The following ARHGAP22 variants were observed in gnomAD, a reference collection of about 807,000 sequenced individuals.
The protein encoded by ARHGAP22 is rho GTPase-activating protein 22.
A neutral mutation model predicts 59.1 loss-of-function variants in ARHGAP22; 48 were observed. The ratio of observed to expected loss-of-function variants is 0.81; its 90% confidence interval spans 0.64 to 1.03. The LOEUF (loss-of-function observed/expected upper bound fraction) is 1.03. ARHGAP22 is among the 50% of genes least tolerant of loss of function. The pLI is 0.00. For synonymous variants in ARHGAP22, 445 were observed against 416.4 expected, an observed-to-expected ratio of 1.07 and a Z score of -0.84; for missense variants, 1,015 against 958.7, an observed-to-expected ratio of 1.06 and a Z score of -0.78.
At chr10:48,436,634 T>G in the ARHGAP22 span, 1 of 152,250 alleles carries the variant, frequency 6.6e-6, no homozygotes, top group Non-Finnish European at 1.5e-5. Context: ...GCTTGGCATT[T>G]TATTCATATA....
At chr10:48,643,731 A>AC (rs199882230) in intron 1 of ARHGAP22, among the ~76,000 whole-genome samples, 15,882 of 147,482 alleles carry the variant, frequency 0.11, 2,796 homozygotes, top group African/African-American at 0.37. Context: ...ATGCACATGT[A>AC]CCTAGAACTT....
chr10:48,603,804 G>C (rs141049745), intron 1 of ARHGAP22, among the ~76,000 whole-genome samples: 11 of 152,356 alleles, frequency 7.2e-5, no homozygotes, highest in African/African-American at 2.2e-4. Flanking sequence ...TCATCCAAGT[G>C]CTTGCAGTGT....
At chr10:48,643,092 G>C (rs545093635) in intron 1 of ARHGAP22, among the ~76,000 whole-genome samples, 6 of 152,294 alleles carry the variant, frequency 3.9e-5, no homozygotes, top group African/African-American at 1.2e-4. Context: ...AGAAACAACA[G>C]GTGCTGGAGA....
intron 3 of ARHGAP22, among the ~76,000 whole-genome samples, chr10:48,538,522 A>G (rs1368440002): frequency 6.6e-6 from 1 of 152,228 alleles, no homozygotes; most frequent in East Asian, 1.9e-4. Flanking sequence ...GACTAGCAGA[A>G]GACTCTCCAG....
chr10:48,598,990 A>T (rs917453649), intron 1 of ARHGAP22, among the ~76,000 whole-genome samples: 1 of 152,078 alleles, frequency 6.6e-6, no homozygotes, highest in Non-Finnish European at 1.5e-5. Flanking sequence ...CAAGTTCTTT[A>T]TCCTTTCTGG....
At position 48,513,970 on chromosome 10, in the gene ARHGAP22, A is replaced by C. The variant is rs1011267314; in HGVS notation, c.323-34206T>G. On this transcript the variant is annotated intron_variant, in intron 3 of 9. Transcript: ENST00000249601. ...AAAGAAATAAAAATTATAAAAAGAA[A>C]CAAATATAAATTCTGGAATTTAAAA... is the stretch of plus-strand genomic sequence containing the variant. Among the ~76,000 whole-genome samples, 46 of 152,196 alleles carry C rather than the reference A, an allele frequency of 3.0e-4. 1 individual carries two copies. The highest frequency in any genetic ancestry group is 5.9e-5 in the Non-Finnish European group (4 of 68,030).
chr10:48,602,294 C>T (rs1188790143), intron 1 of ARHGAP22, among the ~76,000 whole-genome samples: 1 of 152,136 alleles, frequency 6.6e-6, no homozygotes, highest in Admixed American at 6.5e-5. Flanking sequence ...ACTCCTGCTA[C>T]AGGAGATGGT....
intron 3 of ARHGAP22, among the ~76,000 whole-genome samples, chr10:48,497,501 A>T (rs147006062): frequency 6.6e-6 from 1 of 152,298 alleles, no homozygotes; most frequent in African/African-American, 2.4e-5. Context: ...AGGGAAGAGG[A>T]TGTTGAAGAG....
At chr10:48,645,561 A>T (rs933635999) in intron 1 of ARHGAP22, among the ~76,000 whole-genome samples, 5 of 152,304 alleles carry the variant, frequency 3.3e-5, no homozygotes, top group African/African-American at 1.2e-4. Context: ...CATCTAATGG[A>T]TGCAGAAAAG....
intron 3 of ARHGAP22, among the ~76,000 whole-genome samples, chr10:48,540,994 A>T (rs1200921509): frequency 1.3e-5 from 2 of 151,982 alleles, no homozygotes; most frequent in African/African-American, 2.4e-5. Flanking sequence ...CAATTTTAAG[A>T]TGCACACAGA....
chr10:48,495,676 C>T (rs899491368), intron 3 of ARHGAP22, among the ~76,000 whole-genome samples: 6 of 152,200 alleles, frequency 3.9e-5, no homozygotes, highest in Non-Finnish European at 5.9e-5. Flanking sequence ...AATTACTCCT[C>T]GTGAAGGTGG....
chr10:48,606,541 C>A (rs2060682119), upstream of ARHGAP22, among the ~76,000 whole-genome samples: 1 of 152,206 alleles, frequency 6.6e-6, no homozygotes, highest in Non-Finnish European at 1.5e-5. Context: ...TCCTCTCTGA[C>A]CTATCTCTTG....
chr10:48,442,892 T>G (rs918881636), downstream of ARHGAP22, among the ~76,000 whole-genome samples: 11 of 152,168 alleles, frequency 7.2e-5, no homozygotes, highest in Non-Finnish European at 1.2e-4. Context: ...ATGAAACCAT[T>G]GGGTTAAGAC....
At chr10:48,489,924 G>A (rs146617215) in intron 3 of ARHGAP22, among the ~76,000 whole-genome samples, 19,436 of 151,998 alleles carry the variant, frequency 0.13, 1,252 homozygotes, top group Non-Finnish European at 0.14. Context: ...TAGTAGAGAT[G>A]GGGTTTCACC....
intron 2 of ARHGAP22, among the ~76,000 whole-genome samples, chr10:48,579,735 A>G (rs2058992938): frequency 1.3e-5 from 2 of 152,194 alleles, no homozygotes; most frequent in Non-Finnish European, 2.9e-5. Flanking sequence ...TCTTCCGGAC[A>G]GTTACATCTG....
At chr10:48,516,759 A>G (rs2053328842) in intron 3 of ARHGAP22, among the ~76,000 whole-genome samples, 1 of 152,224 alleles carries the variant, frequency 6.6e-6, no homozygotes, top group Non-Finnish European at 1.5e-5. Context: ...TGGAGCCAAT[A>G]GTCCTCCGAT....
At chr10:48,544,439 C>T (rs901708715) in intron 3 of ARHGAP22, among the ~76,000 whole-genome samples, 1 of 152,046 alleles carries the variant, frequency 6.6e-6, no homozygotes, top group Admixed American at 6.6e-5. Context: ...TCATTTTTGC[C>T]TGTAGAGCAC....
chr10:48,519,091 G>A (rs2053568001), intron 3 of ARHGAP22, among the ~76,000 whole-genome samples: 1 of 152,166 alleles, frequency 6.6e-6, no homozygotes, highest in African/African-American at 2.4e-5. Flanking sequence ...AGGCCCCTAG[G>A]GACAGGAGCA....
At chr10:48,642,426 T>A (rs951240253) in intron 1 of ARHGAP22, among the ~76,000 whole-genome samples, 2 of 152,104 alleles carry the variant, frequency 1.3e-5, no homozygotes, top group Non-Finnish European at 2.9e-5. Context: ...CCCTCAGAAA[T>A]AACACCACAC....
Sources: allele counts gnomAD v4.1 joint callset (sites outside exome capture counted in the v4.1 genomes callset), GRCh38; gene constraint gnomAD v4.1.1; transcripts MANE v1.5; gene names NCBI Gene and HGNC (gene_info 2026-07-23, HGNC 2026-07-21).